The following CPEB3 variants were observed in gnomAD, a reference collection of about 807,000 sequenced individuals.
The protein encoded by CPEB3 is cytoplasmic polyadenylation element binding protein 3.
A neutral mutation model predicts 67.2 loss-of-function variants in CPEB3; 20 were observed. The observed-to-expected ratio is 0.30, with a 90% CI of 0.21 to 0.43. CPEB3 has a LOEUF of 0.43. CPEB3 is among the 20% of genes least tolerant of loss of function. The probability of loss-of-function intolerance (pLI) is 1.00; values close to 1 mark genes in which losing one functional copy is unlikely to be tolerated. For synonymous variants in CPEB3, 376 were observed against 393.1 expected, an observed-to-expected ratio of 0.96 and a Z score of 0.51; for missense variants, 746 against 968.6, an observed-to-expected ratio of 0.77 and a Z score of 3.05.
At chr10:92,163,061 A>ACATT (rs1436496275) in intron 4 of CPEB3, among the ~76,000 whole-genome samples, 2 of 152,156 alleles carry the variant, frequency 1.3e-5, no homozygotes, top group African/African-American at 4.8e-5. Context: ...CTCTTGGTGT[A>ACATT]CATTCCATGG....
At chr10:92,151,201 A>C (rs955917405) in intron 4 of CPEB3, among the ~76,000 whole-genome samples, 1 of 152,210 alleles carries the variant, frequency 6.6e-6, no homozygotes, top group South Asian at 2.1e-4. Flanking sequence ...CCCATTGGCC[A>C]AGCTATGCTG....
At chr10:92,184,381 G>C (rs975884586) in intron 3 of CPEB3, among the ~76,000 whole-genome samples, 17 of 152,256 alleles carry the variant, frequency 1.1e-4, no homozygotes, top group Admixed American at 8.5e-4. Flanking sequence ...GAGGCAGTCG[G>C]ATCAAGAGGT....
intron 1 of CPEB3, among the ~76,000 whole-genome samples, chr10:92,279,581 G>A (rs1196476504): frequency 1.3e-5 from 2 of 152,096 alleles, no homozygotes; most frequent in Admixed American, 1.3e-4. Context: ...GTGAGCAGGG[G>A]CCACTACTAA....
chr10:92,093,761 C>G (rs1239812631), intron 7 of CPEB3, among the ~76,000 whole-genome samples: 1 of 152,120 alleles, frequency 6.6e-6, no homozygotes, highest in East Asian at 1.9e-4. Flanking sequence ...TTCAGCCTCC[C>G]AAAGTGTTAG....
chr10:92,111,255 A>C, intron 6 of CPEB3, 61 bp from the exon 7 acceptor site: 1 of 1,048,952 alleles, frequency 9.5e-7, no homozygotes, highest in East Asian at 2.4e-5. Flanking sequence ...TCAAAGTACC[A>C]ATTACAAATT....
chr10:92,209,843 A>G (rs932968110), intron 2 of CPEB3, among the ~76,000 whole-genome samples: 1 of 150,790 alleles, frequency 6.6e-6, no homozygotes, highest in Non-Finnish European at 1.5e-5. Context: ...AGGCTGAGGC[A>G]GGAGAATCAC....
chr10:92,059,694 C>T (rs1413177492), intron 9 of CPEB3, among the ~76,000 whole-genome samples: 1 of 151,882 alleles, frequency 6.6e-6, no homozygotes, highest in African/African-American at 2.4e-5. Flanking sequence ...AACTTTTAGC[C>T]AGACTAAGAA....
At chr10:92,057,584 C>T (rs969239062) in intron 9 of CPEB3, among the ~76,000 whole-genome samples, 1 of 152,202 alleles carries the variant, frequency 6.6e-6, no homozygotes, top group Non-Finnish European at 1.5e-5. Context: ...GATAGTAGTG[C>T]CCCAGGGCCC....
Position 92,046,780 on chromosome 10 carries a change from G to A in CPEB3, c.*5432C>T, listed in dbSNP as rs984384261. 9.8e-5 allele frequency: 15 copies of A among 152,340 alleles called. No individual in the cohort carries two copies. Among genetic ancestry groups the A allele is most frequent in the African/African-American group, 3.6e-4 (15 of 41,570 alleles). The allele number at this position is 152,340 out of a possible 1,614,324, so 9.4% of individuals were successfully genotyped here. ...GTTTAAGCAGTTGTAAGCAGTAGCT[G>A]CATTGAGCTCCATGTTTAGTCACAG... is the stretch of plus-strand genomic sequence containing the variant. On this transcript the variant is annotated 3_prime_UTR_variant, in exon 10 of 10. Transcript: ENST00000265997.
At chr10:92,099,226 T>C (rs1844051938) in intron 7 of CPEB3, among the ~76,000 whole-genome samples, 1 of 142,554 alleles carries the variant, frequency 7.0e-6, no homozygotes, top group Non-Finnish European at 1.5e-5. Flanking sequence ...TTTTCGTCTT[T>C]TTTTTTTTTT....
chr10:92,249,153 C>A (rs941854369), intron 1 of CPEB3, among the ~76,000 whole-genome samples: 1 of 151,652 alleles, frequency 6.6e-6, no homozygotes, highest in African/African-American at 2.4e-5. Flanking sequence ...CCAAGGCAGG[C>A]GGATCACGAG....
At chr10:92,140,120 G>A (rs1229577) in intron 6 of CPEB3, among the ~76,000 whole-genome samples, 101,659 of 150,900 alleles carry the variant, frequency 0.67, 35,827 homozygotes, top group African/African-American at 0.88. Context: ...TCACAGAATT[G>A]GAAAAAACTA....
chr10:92,241,202 G>A (rs1851835610), intron 1 of CPEB3, among the ~76,000 whole-genome samples: 1 of 151,746 alleles, frequency 6.6e-6, no homozygotes, highest in African/African-American at 2.4e-5. Flanking sequence ...TCTTGGCATC[G>A]CAGTGCTTCA....
chr10:92,219,814 G>A (rs1396707626), intron 2 of CPEB3, among the ~76,000 whole-genome samples: 1 of 152,114 alleles, frequency 6.6e-6, no homozygotes, highest in Non-Finnish European at 1.5e-5. Flanking sequence ...ACCTTCTGAT[G>A]AGCTCATATC....
At chr10:92,248,750 C>A (rs751044555) in intron 1 of CPEB3, among the ~76,000 whole-genome samples, 1 of 152,160 alleles carries the variant, frequency 6.6e-6, no homozygotes, top group Non-Finnish European at 1.5e-5. Flanking sequence ...AAGTAACAGA[C>A]ACACACCCCG....
chr10:92,217,206 C>CAAAAAAAAAAAAA (rs1163974877), intron 2 of CPEB3, among the ~76,000 whole-genome samples: 5 of 25,450 alleles, frequency 2.0e-4, no homozygotes, highest in African/African-American at 9.2e-4. Context: ...GACTCTGCCT[C>CAAAAAAAAAAAAA]AAAAAAAAAA....
intron 6 of CPEB3, chr10:92,118,914 T>C: frequency 9.6e-7 from 1 of 1,039,274 alleles, no homozygotes; most frequent in Non-Finnish European, 1.5e-6. Flanking sequence ...CTTTTTGGCA[T>C]GTCAGCCCTG....
chr10:92,251,364 A>ATTCTCTC (rs1319310860), intron 1 of CPEB3, among the ~76,000 whole-genome samples: 2 of 151,816 alleles, frequency 1.3e-5, no homozygotes, highest in African/African-American at 4.8e-5. Context: ...GTGGGATTGT[A>ATTCTCTC]TTCTCTCTTC....
intron 7 of CPEB3, among the ~76,000 whole-genome samples, chr10:92,097,990 C>T (rs1162636465): frequency 2.6e-5 from 4 of 151,284 alleles, no homozygotes; most frequent in East Asian, 3.9e-4. Context: ...GGTGAAACCC[C>T]GTATCTACTA....
Sources: allele counts gnomAD v4.1 joint callset (sites outside exome capture counted in the v4.1 genomes callset), GRCh38; gene constraint gnomAD v4.1.1; transcripts MANE v1.5; gene names NCBI Gene and HGNC (gene_info 2026-07-23, HGNC 2026-07-21).